Variants in PIEZO1 observed in about 807,000 individuals in gnomAD.
PIEZO1 encodes the protein piezo-type mechanosensitive ion channel component 1.
PIEZO1 carries 296 observed loss-of-function variants against 297.2 expected under a neutral mutation model. The ratio of observed to expected loss-of-function variants is 1.00; its 90% CI spans 0.91 to 1.10. PIEZO1 has a LOEUF of 1.10. Ranked by LOEUF, PIEZO1 falls within the 50% of genes least tolerant of loss-of-function variation. PIEZO1 has a pLI of 0.00. For synonymous variants in PIEZO1, 2,427 were observed against 1,507.5 expected (o/e 1.61, Z -14.13); for missense variants, 5,018 against 3,455.5 (o/e 1.45, Z -11.34).
intron 22 of PIEZO1, 132 bp downstream of exon 22, chr16:88,731,572 CAG>C: frequency 1.5e-6 from 1 of 655,894 alleles, no homozygotes; most frequent in Non-Finnish European, 2.6e-6. Context: ...GGATGTGGAG[CAG>C]AGAGGAGGGA....
rs557753546 is a variant in PIEZO1 at position 88,716,912 on chromosome 16, G to A, written c.6661-14C>T. ...GGTGAACAGCGGCTGGGGCAGGCAC[G>A]GGGACACGGGGCCACGAAGATGAGC... On this transcript the variant is annotated splice_polypyrimidine_tract_variant and intron_variant, in intron 45 of 50. Coordinates refer to ENST00000301015, the MANE Select transcript of PIEZO1 (RefSeq NM_001142864.4). 2,110 of 1,548,944 alleles carry A rather than the reference G, an allele frequency of 1.4e-3. 3 individuals are homozygous for A. Among genetic ancestry groups the A allele is most frequent in the Non-Finnish European group, 1.7e-3 (1,946 of 1,146,500 alleles).
rs1474925258 is a variant in PIEZO1, at chr16:88,738,103, A to G, written c.851T>C (p.Val284Ala). Reference sequence around the variant, plus strand: ...ACCCACGAAGTCCTTGAGACCCAGCACCCTGTCCAGAGAAGACCCGTCACA... The same window carrying G: ...ACCCACGAAGTCCTTGAGACCCAGCGCCCTGTCCAGAGAAGACCCGTCACA... ...LLPPAGIWAR[V>A]LGLKDFVGPT... is the part of the protein sequence containing the mutation. Residue 284 changes from valine to alanine, a missense_variant and splice_region_variant, in exon 8 of 51, where the codon GTG becomes GCG. Coordinates refer to ENST00000301015, the MANE Select transcript of PIEZO1 (RefSeq NM_001142864.4). The G allele has an allele frequency of 1.3e-6, 2 of 1,535,722 alleles. No individual in the cohort carries two copies. Among genetic ancestry groups the G allele is most frequent in the South Asian group, 1.2e-5 (1 of 84,062 alleles).
At position 88,738,068 on chromosome 16, in the gene PIEZO1, A is replaced by C. The variant is rs1449838582; in HGVS notation, c.886T>G (p.Cys296Gly). Reference sequence around the variant, plus strand: ...AGGACCAGCGCGTGGGGGCTGGAGCAGTTGGTGGGACCCACGAAGTCCTTG... The same window carrying C: ...AGGACCAGCGCGTGGGGGCTGGAGCCGTTGGTGGGACCCACGAAGTCCTTG... ...GLKDFVGPTN[C>G]SSPHALVLNT... The change falls in exon 8 of 51, where the codon TGC becomes GGC. Residue 296 changes from cysteine (C) to glycine (G), a missense_variant. By Grantham distance (159) the Cys-to-Gly change is radical. Transcript: ENST00000301015. 3.9e-6 allele frequency: 6 copies of C among 1,535,836 alleles called. No individual in the cohort carries two copies. The highest frequency in any genetic ancestry group is 5.2e-6 in the Non-Finnish European group (6 of 1,146,852).
chr16:88,728,153 A>G (rs919195124), intron 22 of PIEZO1, among the ~76,000 whole-genome samples: 4 of 152,196 alleles, frequency 2.6e-5, no homozygotes, highest in South Asian at 4.1e-4. Context: ...CCTAAAGGCC[A>G]CCTGCTGGGA....
At position 88,721,160 on chromosome 16, in the gene PIEZO1, T is replaced by A. The variant is rs1432185620; in HGVS notation, c.5668+6A>T. The A allele has an allele frequency of 6.7e-7, 1 of 1,495,342 alleles. No homozygotes were observed. Among genetic ancestry groups the A allele is most frequent in the South Asian group, 1.3e-5 (1 of 79,480 alleles). 92.6% of individuals were successfully genotyped at this position (1,495,342 alleles called of 1,614,324 possible). ...GGCAGGAGGTTGTGAGGCAGGGCGCTTATACCGATGGCTGCCGCTCCTTTC... is the reference window on the plus strand; with the variant it reads ...GGCAGGAGGTTGTGAGGCAGGGCGCATATACCGATGGCTGCCGCTCCTTTC... On this transcript the variant is annotated splice_donor_region_variant and intron_variant, in intron 39 of 50. Coordinates refer to ENST00000301015, the MANE Select transcript of PIEZO1 (RefSeq NM_001142864.4).
intron 2 of PIEZO1, 140 bp from the exon 3 acceptor site, chr16:88,742,562 A>T: frequency 1.2e-6 from 1 of 855,656 alleles, no homozygotes; most frequent in Non-Finnish European, 1.8e-6. Context: ...TCAGGACCCC[A>T]TCAGGCAGGC....
In PIEZO1 at chr16:88,719,969, G is replaced by A; in HGVS notation, c.6165-9C>T. The A allele has an allele frequency of 6.5e-7, 1 of 1,550,144 alleles. No homozygotes were observed. The highest frequency in any genetic ancestry group is 8.7e-7 in the Non-Finnish European group (1 of 1,146,826). ...CATTCTGGTTGAACATCCTGGGGCG[G>A]GATGGCCAGGTCAAGGACCCCATCA... On this transcript the variant is annotated splice_polypyrimidine_tract_variant and intron_variant, in intron 42 of 50. Coordinates refer to ENST00000301015, the MANE Select transcript of PIEZO1 (RefSeq NM_001142864.4).
chr16:88,737,743 T>A lies in PIEZO1; in HGVS notation c.1092A>T (p.Glu364Asp). ...ELAELDQWPQ[E>D]RESDQHVVPT... ...GGCTGCTCACCTGGTCAGACTCCCGTTCCTGGGGCCACTGGTCCAGCTCTG... is the reference window on the plus strand; with the variant it reads ...GGCTGCTCACCTGGTCAGACTCCCGATCCTGGGGCCACTGGTCCAGCTCTG... Residue 364 changes from glutamate to aspartate, a missense_variant, in exon 9 of 51, where the codon GAA (glutamate) becomes GAT (aspartate). Glu to Asp is a conservative substitution (Grantham distance 45). Coordinates refer to ENST00000301015, the MANE Select transcript of PIEZO1 (RefSeq NM_001142864.4). The A allele has an allele frequency of 6.5e-7, 1 of 1,535,432 alleles. No homozygotes were observed. Among genetic ancestry groups the A allele is most frequent in the Non-Finnish European group, 8.7e-7 (1 of 1,146,602 alleles).
rs186953620 is a variant in PIEZO1, at chr16:88,742,219, C to G, written c.283+81G>C. 146 of 1,499,998 alleles carry G rather than the reference C, an allele frequency of 9.7e-5. No individual in the cohort carries two copies. The East Asian group carries it at 2.8e-3, about 29-fold the overall frequency. 92.9% of individuals were successfully genotyped at this position (1,499,998 alleles called of 1,614,324 possible). A position where few individuals can be genotyped will look rare whatever the true frequency, so the allele number is the denominator to read the frequency against. On this transcript the variant is annotated intron_variant, in intron 3 of 50. Transcript: ENST00000301015. The stretch of plus-strand genomic sequence containing the variant: ...CATAAATCAGGCTGAGTCAACCCCC[C>G]CAGGAGACTCGGGGTCACTGCAGGG...
chr16:88,737,801 G>A lies in PIEZO1; in HGVS notation c.1034C>T (p.Ala345Val). ...YRPSGQRKEA[A>V]KGYEARELEL... ...CAGCTCCCGAGCCTCATACCCCTTT[G>A]CCGCCTCCTTCCTCTGCAGAGACCA... is the stretch of plus-strand genomic sequence containing the variant. Residue 345 changes from alanine (A) to valine (V), a missense_variant, in exon 9 of 51, where the codon GCA becomes GTA. By Grantham distance (64) the Ala-to-Val change is moderately conservative. Transcript: ENST00000301015. 6.5e-7 allele frequency: 1 copy of A among 1,535,784 alleles called. No homozygotes were observed. Among genetic ancestry groups the A allele is most frequent in the Non-Finnish European group, 8.7e-7 (1 of 1,146,716 alleles).
intron 1 of PIEZO1, among the ~76,000 whole-genome samples, chr16:88,767,782 C>T (rs137880819): frequency 5.2e-4 from 79 of 152,280 alleles, no homozygotes; most frequent in Admixed American, 1.4e-3. Flanking sequence ...CTCAGGGTGA[C>T]CCCACCCTGC....
Position 88,716,712 on chromosome 16 carries a change from C to T in PIEZO1, c.6773G>A (p.Ser2258Asn), listed in dbSNP as rs1412317098. The T allele has an allele frequency of 5.8e-6, 9 of 1,548,272 alleles. No individual in the cohort carries two copies. The highest frequency in any genetic ancestry group is 7.0e-6 in the Non-Finnish European group (8 of 1,146,854). ...DPQPLAMQFISQYSPEDIVTA... is the reference protein window; with the variant it reads ...DPQPLAMQFINQYSPEDIVTA... ...GACGATGTCCTCAGGGCTGTACTGG[C>T]TGATGAACTGCATGGCCAGCTGGGT... The change falls in exon 47 of 51, where the codon AGC (serine) becomes AAC (asparagine). Residue 2258 changes from serine to asparagine, a missense_variant. Physicochemically the swap from Ser to Asn is conservative, Grantham distance 46. Coordinates refer to ENST00000301015, the MANE Select transcript of PIEZO1 (RefSeq NM_001142864.4).
Position 88,734,814 on chromosome 16 carries a change from G to C in PIEZO1, c.1849-16C>G. On this transcript the variant is annotated splice_polypyrimidine_tract_variant and intron_variant, in intron 14 of 50. Coordinates refer to ENST00000301015, the MANE Select transcript of PIEZO1 (RefSeq NM_001142864.4). ...TGTAGTAGACCTGCCGGGTGAGGTG[G>C]GGGTGGTGAGGACCGCGGGGAGGGT... is the stretch of plus-strand genomic sequence containing the variant. The C allele has an allele frequency of 4.5e-6, 7 of 1,550,240 alleles. No homozygotes were observed. The highest frequency in any genetic ancestry group is 6.1e-6 in the Non-Finnish European group (7 of 1,146,904).
In PIEZO1 at chr16:88,716,456, C is replaced by G. The variant is rs1227339743; in HGVS notation, c.6954G>C (p.Glu2318Asp). ...QRDLAKGGTV[E>D]YANEKHMLAL... ...CCAGCATGTGCTTCTCGTTGGCATA[C>G]TCCACAGTGCCTCCCTTCGCCAGGT... The change falls in exon 48 of 51, where the codon GAG becomes GAC. Residue 2318 changes from glutamate to aspartate, a missense_variant. Coordinates refer to ENST00000301015, the MANE Select transcript of PIEZO1 (RefSeq NM_001142864.4). 1 of 1,549,444 alleles carries G rather than the reference C, an allele frequency of 6.5e-7. No individual in the cohort carries two copies. Among genetic ancestry groups the G allele is most frequent in the Admixed American group, 2.0e-5 (1 of 50,884 alleles).
intron 12 of PIEZO1, among the ~76,000 whole-genome samples, chr16:88,735,637 G>C (rs1905160306): frequency 6.6e-6 from 1 of 152,264 alleles, no homozygotes; most frequent in Non-Finnish European, 1.5e-5. Context: ...AGGCTCACAA[G>C]TTTCACAAGA....
Position 88,731,397 on chromosome 16 carries a change from G to A in PIEZO1, c.3196+309C>T, listed in dbSNP as rs74318241. 8.3e-4 allele frequency: 299 copies of A among 358,456 alleles called. 1 individual carries two copies. In the East Asian group the frequency reaches 0.011, roughly 13 times the overall value. The allele number at this position is 358,456 out of a possible 1,614,324, so 22.2% of individuals were successfully genotyped here. ...GTGAGGCATCACGGCCGACCCGCAC[G>A]GGGCCCGGAGAGGACGCAGTGCTCC... is the stretch of plus-strand genomic sequence containing the variant. On this transcript the variant is annotated intron_variant, in intron 22 of 50. Transcript: ENST00000301015.
chr16:88,743,741 AG>A, intron 2 of PIEZO1: 2 of 429,544 alleles, frequency 4.7e-6, no homozygotes, highest in Middle Eastern at 3.5e-4. Context: ...ACGGATGCCC[AG>A]GACTCCCTGT....
At chr16:88,752,066 G>C (rs1476221186) in intron 1 of PIEZO1, among the ~76,000 whole-genome samples, 3 of 152,218 alleles carry the variant, frequency 2.0e-5, no homozygotes, top group African/African-American at 7.2e-5. Context: ...CAGGGAGGTG[G>C]TGCCGTGCGT....
intron 27 of PIEZO1, 32 bp downstream of exon 27, chr16:88,726,252 G>C (rs1324474199): frequency 6.6e-7 from 1 of 1,516,606 alleles, no homozygotes; most frequent in Admixed American, 2.1e-5. Context: ...CCCAAGACGG[G>C]AGCTCTGGGC....
Sources: allele counts gnomAD v4.1 joint callset (sites outside exome capture counted in the v4.1 genomes callset), GRCh38; gene constraint gnomAD v4.1.1; transcripts MANE v1.5; gene names NCBI Gene and HGNC (gene_info 2026-07-23, HGNC 2026-07-21).